Variants in PGRMC2 observed in about 807,000 individuals in gnomAD.
The protein encoded by PGRMC2 is membrane-associated progesterone receptor component 2.
Under a neutral mutation model 19.3 loss-of-function variants are expected in PGRMC2, and 9 were observed. The observed-to-expected ratio is 0.47, with a 90% confidence interval of 0.28 to 0.81. The LOEUF is 0.81. PGRMC2 is among the 40% of genes least tolerant of loss of function. The pLI, the probability that PGRMC2 is intolerant of heterozygous loss-of-function variation, is 0.11. For synonymous variants in PGRMC2, 157 were observed against 124.6 expected (o/e 1.26, Z -1.73); for missense variants, 289 against 297.3 (o/e 0.97, Z 0.21).
chr4:128,280,559 T>C (rs1009125928), intron 1 of PGRMC2, among the ~76,000 whole-genome samples: 21 of 152,078 alleles, frequency 1.4e-4, no homozygotes, highest in Non-Finnish European at 2.8e-4. Flanking sequence ...CACCAACAAG[T>C]GGAAGACAGT....
At chr4:128,280,407 T>C (rs1229852737) in intron 1 of PGRMC2, among the ~76,000 whole-genome samples, 2 of 147,854 alleles carry the variant, frequency 1.4e-5, no homozygotes, top group African/African-American at 4.9e-5. Context: ...GAGTAGAGTT[T>C]GGTACATGGT....
intron 1 of PGRMC2, chr4:128,286,566 TC>T (rs1361713620): frequency 1.3e-5 from 5 of 398,030 alleles, no homozygotes; most frequent in African/African-American, 1.0e-4. Flanking sequence ...CAAGTCATTA[TC>T]AACGTGTACT....
At chr4:128,273,689 T>C (rs1760765780) in intron 1 of PGRMC2, among the ~76,000 whole-genome samples, 1 of 152,212 alleles carries the variant, frequency 6.6e-6, no homozygotes, top group African/African-American at 2.4e-5. Context: ...TATATAAAAG[T>C]ATTTAGGAAA....
rs1760704463 is a variant in PGRMC2 at position 128,270,150 on chromosome 4, T to C, written c.*1166A>G. 1 of 152,654 alleles carries C rather than the reference T, an allele frequency of 6.6e-6. No individual in the cohort carries two copies. The highest frequency in any genetic ancestry group is 1.5e-5 in the Non-Finnish European group (1 of 68,032). The allele number at this position is 152,654 out of a possible 1,614,324, so 9.5% of individuals were successfully genotyped here. A position where few individuals can be genotyped will look rare whatever the true frequency, so the allele number is the denominator to read the frequency against. The stretch of plus-strand genomic sequence containing the variant: ...TCCAACTCAAGCTTATTTTGGTTTA[T>C]TGTACATGCTTTATTAAAATGGTAC... On this transcript the variant is annotated 3_prime_UTR_variant, in exon 3 of 3. Transcript: ENST00000296425.
chr4:128,279,500 T>C (rs1760871762), intron 1 of PGRMC2, among the ~76,000 whole-genome samples: 1 of 152,144 alleles, frequency 6.6e-6, no homozygotes, highest in Non-Finnish European at 1.5e-5. Flanking sequence ...AAATTAAAAA[T>C]ATCCATACCC....
intron 1 of PGRMC2, chr4:128,286,784 G>A (rs1399514543): frequency 5.0e-6 from 2 of 396,284 alleles, no homozygotes; most frequent in African/African-American, 4.1e-5. Context: ...TTGCTTATAC[G>A]TCTGGACTTC....
intron 1 of PGRMC2, chr4:128,272,756 A>AG (rs1292916899): frequency 3.0e-6 from 1 of 331,778 alleles, no homozygotes; most frequent in Non-Finnish European, 5.4e-6. Context: ...TAAAACCCTC[A>AG]ATTTCAATTA....
intron 1 of PGRMC2, among the ~76,000 whole-genome samples, chr4:128,277,185 CAAACA>C (rs954462927): frequency 1.3e-5 from 2 of 150,390 alleles, no homozygotes; most frequent in African/African-American, 2.5e-5. Context: ...AACAAACAAA[CAAACA>C]AAACAAACCC....
At chr4:128,279,501 A>G (rs1760871801) in intron 1 of PGRMC2, among the ~76,000 whole-genome samples, 1 of 152,214 alleles carries the variant, frequency 6.6e-6, no homozygotes, top group Non-Finnish European at 1.5e-5. Context: ...AATTAAAAAT[A>G]TCCATACCCC....
rs1462931943 is a variant in PGRMC2, at chr4:128,270,121, A to G, written c.*1195T>C. The G allele has an allele frequency of 2.0e-5, 3 of 152,556 alleles. No individual in the cohort carries two copies. The highest frequency in any genetic ancestry group is 4.8e-5 in the African/African-American group (2 of 41,374). The allele number at this position is 152,556 out of a possible 1,614,324, so 9.5% of individuals were successfully genotyped here. A position where few individuals can be genotyped will look rare whatever the true frequency, so the allele number is the denominator to read the frequency against. On this transcript the variant is annotated 3_prime_UTR_variant, in exon 3 of 3. Coordinates refer to ENST00000296425, the MANE Select transcript of PGRMC2 (RefSeq NM_006320.6). ...TGCACTGGCTTACAGTTCTGTATATAAAGTCCAACTCAAGCTTATTTTGGT... is the reference window on the plus strand; with the variant it reads ...TGCACTGGCTTACAGTTCTGTATATGAAGTCCAACTCAAGCTTATTTTGGT...
intron 1 of PGRMC2, among the ~76,000 whole-genome samples, chr4:128,280,913 T>C (rs1760901531): frequency 6.6e-6 from 1 of 152,178 alleles, no homozygotes; most frequent in South Asian, 2.1e-4. Flanking sequence ...TCTACAATTT[T>C]ATATTCTAAA....
At chr4:128,286,384 C>A (rs1246015169) in intron 1 of PGRMC2, among the ~76,000 whole-genome samples, 1 of 152,010 alleles carries the variant, frequency 6.6e-6, no homozygotes, top group South Asian at 2.1e-4. Flanking sequence ...TATGCTACAA[C>A]CACACTGTAA....
In PGRMC2 at chr4:128,269,816, TTC is replaced by T. The variant is rs1760699313; in HGVS notation, c.*1498_*1499del. The T allele has an allele frequency of 6.6e-6, 1 of 152,252 alleles. No homozygotes were observed. The highest frequency in any genetic ancestry group is 1.5e-5 in the Non-Finnish European group (1 of 68,044). 9.4% of individuals were successfully genotyped at this position (152,252 alleles called of 1,614,324 possible). A position where few individuals can be genotyped will look rare whatever the true frequency, so the allele number is the denominator to read the frequency against. ...TAATTTAGTATCTATCAGTGCAATA[TTC>T]TTTTACTGTTTTGTGTTCAATAACC... On this transcript the variant is annotated 3_prime_UTR_variant, in exon 3 of 3. Transcript: ENST00000296425.
intron 1 of PGRMC2, among the ~76,000 whole-genome samples, chr4:128,274,566 A>G (rs568814581): frequency 1.7e-4 from 26 of 151,118 alleles, no homozygotes; most frequent in Middle Eastern, 3.5e-3. Context: ...CTGTGTGTGT[A>G]CATGCACATG....
rs371417483 is a variant in PGRMC2, at chr4:128,272,530, A to C, written c.419-13T>G. 1 of 1,465,904 alleles carries C rather than the reference A, an allele frequency of 6.8e-7. No homozygotes were observed. The highest frequency in any genetic ancestry group is 9.1e-7 in the Non-Finnish European group (1 of 1,104,684). The allele number at this position is 1,465,904 out of a possible 1,614,324, so 90.8% of individuals were successfully genotyped here. On this transcript the variant is annotated splice_polypyrimidine_tract_variant and intron_variant, in intron 1 of 2. Transcript: ENST00000296425. ...CCATATGGACCCGCTGGAAAAAAGA[A>C]AATAAATTATTTAGATCACCTAACA...
rs1030991011 is a variant in PGRMC2 at position 128,287,530 on chromosome 4, G to A, written c.261C>T (p.Gly87=). The stretch of plus-strand genomic sequence containing the variant: ...GCAGAGAGGTGGCGGGGCTCTCCTC[G>A]CCCGCCCCGGCCCCGGCCCCCAGAC... ...RRGLGAGAGA[G]EESPATSLPR... The change falls in exon 1 of 3, where the codon GGC becomes GGT. Residue 87 remains glycine, a synonymous_variant. Transcript: ENST00000296425. The A allele has an allele frequency of 3.2e-6, 5 of 1,568,366 alleles. No homozygotes were observed. In the Admixed American group the frequency reaches 9.3e-5, roughly 29 times the overall value.
At chr4:128,276,731 C>T (rs1461517882) in intron 1 of PGRMC2, among the ~76,000 whole-genome samples, 2 of 152,142 alleles carry the variant, frequency 1.3e-5, no homozygotes, top group South Asian at 2.1e-4. Context: ...AATTCTGTTG[C>T]TTTATCAAAT....
At chr4:128,272,793 C>T (rs1760753122) in intron 1 of PGRMC2, 1 of 256,730 alleles carries the variant, frequency 3.9e-6, no homozygotes, top group Non-Finnish European at 7.3e-6. Context: ...ACTTAATATT[C>T]AAAATGAAGA....
At chr4:128,276,038 A>C (rs1313531876) in intron 1 of PGRMC2, among the ~76,000 whole-genome samples, 3 of 152,192 alleles carry the variant, frequency 2.0e-5, no homozygotes, top group Non-Finnish European at 2.9e-5. Context: ...CTGTAAGGCC[A>C]TTAAAGAATA....
Sources: allele counts gnomAD v4.1 joint callset (sites outside exome capture counted in the v4.1 genomes callset), GRCh38; gene constraint gnomAD v4.1.1; transcripts MANE v1.5; gene names NCBI Gene and HGNC (gene_info 2026-07-23, HGNC 2026-07-21).